GET1: variants seen among roughly 807,000 people sequenced by gnomAD.
GET1 encodes the protein guided entry of tail-anchored proteins factor 1.
GET1 carries 20 observed loss-of-function variants against 22.6 expected under a neutral mutation model. The ratio of observed to expected loss-of-function variants is 0.89; its 90% confidence interval spans 0.62 to 1.29. GET1 has a LOEUF of 1.29. Ranked by LOEUF, GET1 falls within the 50% of genes most tolerant of loss-of-function variation. The pLI, the probability that GET1 is intolerant of heterozygous loss-of-function variation, is 0.00. For missense variants in GET1, 209 were observed against 219.9 expected (o/e 0.95, Z 0.31); for synonymous variants, 92 against 83.8 (o/e 1.10, Z -0.53).
intron 1 of GET1, among the ~76,000 whole-genome samples, chr21:39,415,657 T>C (rs1027100830): frequency 6.6e-6 from 1 of 152,252 alleles, no homozygotes; most frequent in Admixed American, 6.5e-5. Flanking sequence ...CCATTTTCTA[T>C]AGTTTTTAAA....
intron 1 of GET1, among the ~76,000 whole-genome samples, chr21:39,384,053 T>G (rs1415470392): frequency 2.0e-5 from 3 of 151,712 alleles, no homozygotes; most frequent in African/African-American, 7.3e-5. Context: ...TTTTTTTTTT[T>G]GTAATACTAA....
At position 39,393,235 on chromosome 21, in the gene GET1, A is replaced by ATAACCCC; in HGVS notation, c.408_414dup (p.Leu139AsnfsTer12). On this transcript the variant is annotated frameshift_variant, in exon 4 of 5. Coordinates refer to ENST00000649170, the MANE Select transcript of GET1 (RefSeq NM_004627.6). LOFTEE classifies it high-confidence loss of function. ...TGTGGCTGTCGTGCCGAGTAAATGG[A>ATAACCCC]TAACCCCTCTAGACCGCCTGGTAGC... 1 of 1,614,206 alleles carries ATAACCCC rather than the reference A, an allele frequency of 6.2e-7. No individual in the cohort carries two copies. The highest frequency in any genetic ancestry group is 8.5e-7 in the Non-Finnish European group (1 of 1,180,036).
chr21:39,399,380 G>A (rs182558293), downstream of GET1, among the ~76,000 whole-genome samples: 9 of 152,254 alleles, frequency 5.9e-5, no homozygotes, highest in Admixed American at 5.2e-4. Flanking sequence ...GTTAGCATCT[G>A]TGCTTTTGTT....
intron 1 of GET1, among the ~76,000 whole-genome samples, chr21:39,413,402 A>C (rs1376867624): frequency 6.6e-6 from 1 of 152,238 alleles, no homozygotes; most frequent in Non-Finnish European, 1.5e-5. Context: ...TTCTTGTCCA[A>C]CTGCCATCCT....
At chr21:39,428,114 G>T in intron 1 of GET1, 1 of 1,008,620 alleles carries the variant, frequency 9.9e-7, no homozygotes, top group Non-Finnish European at 1.5e-6. Flanking sequence ...CACTAGTGCA[G>T]TAAAATAACA....
rs749142834 is a variant in GET1 at position 39,380,462 on chromosome 21, C to A, written c.78C>A (p.Ile26=). The A allele has an allele frequency of 2.0e-5, 33 of 1,613,084 alleles. No individual in the cohort carries two copies. The highest frequency in any genetic ancestry group is 2.5e-5 in the Non-Finnish European group (30 of 1,179,600). The change falls in exon 1 of 5, where the codon ATC becomes ATA. Residue 26 remains isoleucine, a synonymous_variant. Transcript: ENST00000649170. ...SFVFGCNVLR[I]LLPSFSSFMS... ...TGTTTGGATGCAATGTTCTTAGGAT[C>A]CTCCTCCCGTCCTTCTCATCCTTCG...
chr21:39,424,664 C>T (rs1413844498), intron 1 of GET1, among the ~76,000 whole-genome samples: 2 of 152,184 alleles, frequency 1.3e-5, no homozygotes, highest in African/African-American at 4.8e-5. Context: ...AAATGACCCT[C>T]AAAAGGTCAT....
intron 1 of GET1, among the ~76,000 whole-genome samples, chr21:39,383,158 A>G (rs1371764837): frequency 1.8e-4 from 27 of 151,620 alleles, no homozygotes; most frequent in South Asian, 1.2e-3. Flanking sequence ...GTTTCACCGA[A>G]TTAGCCAGGA....
intron 1 of GET1, among the ~76,000 whole-genome samples, chr21:39,390,265 C>G (rs1465276827): frequency 6.6e-6 from 1 of 152,034 alleles, no homozygotes; most frequent in African/African-American, 2.4e-5. Flanking sequence ...GGAGATGGGG[C>G]TGGCTTGGAT....
At chr21:39,404,855 G>A (rs1309215274) in intron 4 of GET1, among the ~76,000 whole-genome samples, 2 of 147,878 alleles carry the variant, frequency 1.4e-5, no homozygotes. Flanking sequence ...TTTTGAGATG[G>A]AGTCTCGCTC....
intron 2 of GET1, 199 bp from the exon 3 acceptor site, chr21:39,391,570 C>T (rs532093682): frequency 2.1e-5 from 11 of 533,514 alleles, no homozygotes; most frequent in East Asian, 1.4e-4. Context: ...CAATCTGAGT[C>T]GGATACTATT....
chr21:39,390,656 C>A, intron 1 of GET1, 42 bp from the exon 2 acceptor site: 2 of 1,608,252 alleles, frequency 1.2e-6, no homozygotes, highest in South Asian at 1.1e-5. Flanking sequence ...CCTCCTGTGA[C>A]CCGTGTTGGA....
chr21:39,388,027 C>T (rs1289738795), intron 1 of GET1, among the ~76,000 whole-genome samples: 1 of 152,168 alleles, frequency 6.6e-6, no homozygotes, highest in Admixed American at 6.5e-5. Context: ...TTTCCTGAAC[C>T]ATTTGGAAGT....
chr21:39,417,776 T>A lies in GET1; in HGVS notation c.*23+6839T>A, dbSNP rs185145968. Among the ~76,000 whole-genome samples, 41 of 151,732 alleles carry A rather than the reference T, an allele frequency of 2.7e-4. 1 individual carries two copies. The East Asian group carries it at 7.7e-3, about 29-fold the overall frequency. ...TTTATTTAATTTTTTAATTTTTAAT[T>A]TTTTTTTGAGATGGAGTCTCGCTCT... On this transcript the variant is annotated intron_variant, in intron 1 of 1. Coordinates refer to the GET1 transcript ENST00000478273.
chr21:39,426,312 T>C (rs943990179), intron 1 of GET1, among the ~76,000 whole-genome samples: 1 of 152,168 alleles, frequency 6.6e-6, no homozygotes, highest in African/African-American at 2.4e-5. Context: ...AGTAATCAGC[T>C]TTAAAAAGCT....
intron 1 of GET1, among the ~76,000 whole-genome samples, chr21:39,383,054 C>G (rs2037656029): frequency 6.7e-6 from 1 of 149,430 alleles, no homozygotes; most frequent in Non-Finnish European, 1.5e-5. Context: ...GGGTTCACAC[C>G]ATTCTCCTGC....
chr21:39,428,054 C>T (rs2075071603), intron 1 of GET1: 1 of 661,550 alleles, frequency 1.5e-6, no homozygotes, highest in East Asian at 2.6e-5. Context: ...ACCTATAATA[C>T]ACATTTACAA....
At chr21:39,404,989 A>C (rs543550297) in intron 4 of GET1, among the ~76,000 whole-genome samples, 3 of 151,488 alleles carry the variant, frequency 2.0e-5, no homozygotes, top group Non-Finnish European at 4.4e-5. Flanking sequence ...GTGCCACCAC[A>C]CCCAGCTGAT....
intron 4 of GET1, among the ~76,000 whole-genome samples, chr21:39,396,209 TA>T (rs1169386620): frequency 1.3e-5 from 2 of 152,056 alleles, no homozygotes; most frequent in Non-Finnish European, 2.9e-5. Context: ...TAGCCTGACC[TA>T]CATGGTGAAA....
Sources: gnomAD v4.1 joint callset for allele counts (sites outside exome capture counted in the v4.1 genomes callset) on GRCh38, gnomAD v4.1.1 for gene constraint, MANE v1.5 for transcripts, NCBI Gene and HGNC (gene_info 2026-07-23, HGNC 2026-07-21) for gene names.